Variants in ABCB10 observed in about 807,000 individuals in gnomAD.
The protein encoded by ABCB10 is ATP-binding cassette sub-family B member 10, mitochondrial.
A neutral mutation model predicts 65.4 loss-of-function variants in ABCB10; 54 were observed. The ratio of observed to expected loss-of-function variants is 0.83; its 90% CI spans 0.66 to 1.04. The LOEUF (loss-of-function observed/expected upper bound fraction) is 1.04, where lower values mean the gene tolerates loss of function less well. ABCB10 is among the 50% of genes least tolerant of loss of function. The probability of loss-of-function intolerance (pLI) is 0.00; values close to 1 mark genes in which losing one functional copy is unlikely to be tolerated. For missense variants in ABCB10, 846 were observed against 976.6 expected (o/e 0.87, Z 1.78); for synonymous variants, 418 against 406.5 (o/e 1.03, Z -0.34).
At chr1:229,526,815 A>G (rs1662456310) in intron 9 of ABCB10, among the ~76,000 whole-genome samples, 1 of 152,248 alleles carries the variant, frequency 6.6e-6, no homozygotes, top group Non-Finnish European at 1.5e-5. Flanking sequence ...CTTCTTTGCA[A>G]GGAGGACTCT....
chr1:229,541,662 A>G (rs1056222204), intron 4 of ABCB10, among the ~76,000 whole-genome samples: 2 of 150,312 alleles, frequency 1.3e-5, no homozygotes, highest in East Asian at 4.1e-4. Context: ...GATAGTGGCT[A>G]GGTATGGTGG....
intron 6 of ABCB10, among the ~76,000 whole-genome samples, chr1:229,532,698 T>C (rs551163017): frequency 6.6e-6 from 1 of 151,726 alleles, no homozygotes; most frequent in South Asian, 2.1e-4. Flanking sequence ...CTGGGCAACA[T>C]AGAGAGAACC....
chr1:229,527,456 A>C (rs553019344), intron 8 of ABCB10, 148 bp from the exon 9 acceptor site: 1 of 675,660 alleles, frequency 1.5e-6, no homozygotes, highest in African/African-American at 1.8e-5. Flanking sequence ...AAACTAACAT[A>C]TTTCATGAAA....
chr1:229,539,145 T>TGC (rs1662785042), intron 6 of ABCB10, among the ~76,000 whole-genome samples: 1 of 152,196 alleles, frequency 6.6e-6, no homozygotes, highest in Non-Finnish European at 1.5e-5. Flanking sequence ...GCCCTCCTCC[T>TGC]GCCTGCACCT....
chr1:229,535,984 G>A (rs977714058), intron 6 of ABCB10, among the ~76,000 whole-genome samples: 3 of 151,886 alleles, frequency 2.0e-5, no homozygotes, highest in East Asian at 1.9e-4. Flanking sequence ...CCTCAGCCTC[G>A]CAAAGTGCTG....
chr1:229,538,765 C>A (rs1316110675), intron 6 of ABCB10, among the ~76,000 whole-genome samples: 1 of 152,114 alleles, frequency 6.6e-6, no homozygotes, highest in Admixed American at 6.5e-5. Context: ...TGAGGCAACA[C>A]CATAGGATAC....
chr1:229,540,649 A>G lies in ABCB10; in HGVS notation c.1160T>C (p.Leu387Ser). Residue 387 changes from leucine (L) to serine (S), a missense_variant, in exon 5 of 13, where the codon TTA (leucine) becomes TCA (serine). Leu to Ser is a moderately radical substitution (Grantham distance 145). Transcript: ENST00000344517. The part of the protein sequence containing the change: ...YASKVDHVMQ[L>S]ARKEAFARAG... ...CCGGGCGAATGCCTCTTTCCTTGCTAACTGCATTACATGGTCCACTTTGCT... is the reference window on the plus strand; with the variant it reads ...CCGGGCGAATGCCTCTTTCCTTGCTGACTGCATTACATGGTCCACTTTGCT... The G allele has an allele frequency of 1.2e-6, 2 of 1,612,428 alleles. No individual in the cohort carries two copies. Among genetic ancestry groups the G allele is most frequent in the Non-Finnish European group, 1.7e-6 (2 of 1,180,002 alleles).
Position 229,542,304 on chromosome 1 carries a change from A to G in ABCB10, c.989T>C (p.Val330Ala), listed in dbSNP as rs959122746. Residue 330 changes from valine (V) to alanine (A), a missense_variant, in exon 4 of 13, where the codon GTA becomes GCA. Physicochemically the swap from Val to Ala is moderately conservative, Grantham distance 64. Transcript: ENST00000344517. ...SVVPPVSIIA[V>A]IYGRYLRKLT... Reference sequence around the variant, plus strand: ...TTTCCGTAGATATCGCCCATAAATTACAGCAATGATTGACACTGGAGGCAC... The same window carrying G: ...TTTCCGTAGATATCGCCCATAAATTGCAGCAATGATTGACACTGGAGGCAC... The G allele has an allele frequency of 1.2e-6, 2 of 1,614,158 alleles. No homozygotes were observed. Among genetic ancestry groups the G allele is most frequent in the Admixed American group, 3.3e-5 (2 of 60,024 alleles).
intron 6 of ABCB10, among the ~76,000 whole-genome samples, chr1:229,533,598 G>A (rs921712097): frequency 1.3e-5 from 2 of 152,166 alleles, no homozygotes; most frequent in African/African-American, 4.8e-5. Context: ...AATTAAAAAT[G>A]CATTTGGCAA....
At chr1:229,549,161 G>T in intron 2 of ABCB10, 73 bp downstream of exon 2, 1 of 1,525,534 alleles carries the variant, frequency 6.6e-7, no homozygotes, top group Non-Finnish European at 9.1e-7. Context: ...CATGAGATTT[G>T]AGCCCGAACA....
chr1:229,522,084 C>A (rs1261988129), intron 10 of ABCB10, among the ~76,000 whole-genome samples: 1 of 152,160 alleles, frequency 6.6e-6, no homozygotes, highest in Non-Finnish European at 1.5e-5. Context: ...GTCTCAAGCT[C>A]CTGGGCTCAA....
Position 229,540,809 on chromosome 1 carries a change from A to T in ABCB10, c.1057-57T>A, listed in dbSNP as rs983593913. On this transcript the variant is annotated intron_variant, in intron 4 of 12. Coordinates refer to ENST00000344517, the MANE Select transcript of ABCB10 (RefSeq NM_012089.3). ...GAAGGGTCATATTTCAAGAGCTTCT[A>T]AGAAGGAAAAATAAAATGTGGTTCT... The T allele has an allele frequency of 2.0e-6, 3 of 1,515,696 alleles. No homozygotes were observed. In the African/African-American group the frequency reaches 4.2e-5, roughly 21 times the overall value. 93.9% of individuals were successfully genotyped at this position (1,515,696 alleles called of 1,614,324 possible). A position where few individuals can be genotyped will look rare whatever the true frequency, so the allele number is the denominator to read the frequency against.
At chr1:229,526,216 C>T in intron 9 of ABCB10, 100 bp from the exon 10 acceptor site, 1 of 1,246,014 alleles carries the variant, frequency 8.0e-7, no homozygotes, top group Non-Finnish European at 1.1e-6. Flanking sequence ...TATGTTTTGC[C>T]ATGAACAGGA....
chr1:229,544,141 T>C (rs933521216), intron 3 of ABCB10, among the ~76,000 whole-genome samples: 2 of 152,202 alleles, frequency 1.3e-5, no homozygotes, highest in African/African-American at 4.8e-5. Flanking sequence ...GGGCTAGGCA[T>C]AGTGGCTCAC....
chr1:229,530,127 T>C lies in ABCB10; in HGVS notation c.1645+72A>G. ...ATAAGGTATTTGCATGGTTTGAGCA[T>C]CTCCTAGGGCGCAAAAGTGGGAGCA... On this transcript the variant is annotated intron_variant, in intron 8 of 12. Coordinates refer to ENST00000344517, the MANE Select transcript of ABCB10 (RefSeq NM_012089.3). 2.1e-6 allele frequency: 3 copies of C among 1,462,998 alleles called. No individual in the cohort carries two copies. The East Asian group carries it at 6.8e-5, about 33-fold the overall frequency. 90.6% of individuals were successfully genotyped at this position (1,462,998 alleles called of 1,614,324 possible).
chr1:229,544,034 C>G (rs1404220243), intron 3 of ABCB10, among the ~76,000 whole-genome samples: 1 of 152,174 alleles, frequency 6.6e-6, no homozygotes, highest in African/African-American at 2.4e-5. Context: ...CAGAACCACC[C>G]CCCTCCCTTC....
At chr1:229,550,090 C>T (rs1357929336) in intron 1 of ABCB10, 1 of 152,216 alleles carries the variant, frequency 6.6e-6, no homozygotes, top group Non-Finnish European at 1.5e-5. Flanking sequence ...TACACAGAAG[C>T]AAATGTCAAT....
chr1:229,547,592 T>G lies in ABCB10; in HGVS notation c.828A>C (p.Ser276=), dbSNP rs746608332. 6.2e-7 allele frequency: 1 copy of G among 1,614,154 alleles called. No individual in the cohort carries two copies. The highest frequency in any genetic ancestry group is 2.2e-5 in the East Asian group (1 of 44,884). The change falls in exon 3 of 13, where the codon TCA becomes TCC. Residue 276 remains serine, a synonymous_variant. Coordinates refer to ENST00000344517, the MANE Select transcript of ABCB10 (RefSeq NM_012089.3). ...TRTGELINRL[S]SDTALLGRSV... ...AGCGCCCCAGGAGTGCAGTGTCTGA[T>G]GAGAGGCGGTTAATCAATTCTCCTG... is the stretch of plus-strand genomic sequence containing the variant.
intron 9 of ABCB10, among the ~76,000 whole-genome samples, chr1:229,526,905 G>A (rs1318482006): frequency 6.6e-6 from 1 of 152,086 alleles, no homozygotes. Flanking sequence ...GATGAAAATG[G>A]GAAGTGGGGA....
Sources: gnomAD v4.1 joint callset for allele counts (sites outside exome capture counted in the v4.1 genomes callset) on GRCh38, gnomAD v4.1.1 for gene constraint, MANE v1.5 for transcripts, NCBI Gene and HGNC (gene_info 2026-07-23, HGNC 2026-07-21) for gene names.